Variants in PTPRG observed in about 807,000 individuals in gnomAD.
PTPRG encodes the protein receptor-type tyrosine-protein phosphatase gamma.
In PTPRG, 102 loss-of-function variants were observed where a neutral mutation model predicts 165.3. The observed-to-expected ratio is 0.62, with a 90% CI of 0.53 to 0.73. The LOEUF is 0.73. Among genes scored for constraint, PTPRG ranks in the 30% least tolerant of loss-of-function variants. The pLI, the probability that PTPRG is intolerant of heterozygous loss-of-function variation, is 0.00. For missense variants in PTPRG, 1,866 were observed against 1,861.4 expected, an observed-to-expected ratio of 1.00 and a Z score of -0.05; for synonymous variants, 675 against 669.5, an observed-to-expected ratio of 1.01 and a Z score of -0.13.
At chr3:61,829,320 C>T (rs930857861) in intron 2 of PTPRG, among the ~76,000 whole-genome samples, 11 of 152,190 alleles carry the variant, frequency 7.2e-5, no homozygotes, top group Non-Finnish European at 1.0e-4. Flanking sequence ...CAATAATGAC[C>T]GTTATTTATC....
In PTPRG at chr3:62,273,196, G is replaced by C; in HGVS notation, c.3318+115G>C. 4.3e-6 allele frequency: 5 copies of C among 1,168,996 alleles called. No individual in the cohort carries two copies. Among genetic ancestry groups the C allele is most frequent in the Non-Finnish European group, 2.3e-6 (2 of 854,982 alleles). The allele number at this position is 1,168,996 out of a possible 1,614,324, so 72.4% of individuals were successfully genotyped here. ...TTTTAGGGCTTGCAGTAATTTACAGGTTTGTATTAGAAGATATTCTGACAA... is the reference window on the plus strand; with the variant it reads ...TTTTAGGGCTTGCAGTAATTTACAGCTTTGTATTAGAAGATATTCTGACAA... On this transcript the variant is annotated intron_variant, in intron 22 of 29. Coordinates refer to ENST00000474889, the MANE Select transcript of PTPRG (RefSeq NM_002841.4). The surrounding 1 kb of genome is among the most constrained non-coding windows in gnomAD (Gnocchi z 4.1).
chr3:62,023,775 A>T (rs767136982), intron 4 of PTPRG, among the ~76,000 whole-genome samples: 2 of 152,162 alleles, frequency 1.3e-5, no homozygotes, highest in Non-Finnish European at 2.9e-5. Context: ...TTTTGAGGTG[A>T]GCATTAAAGA....
At chr3:61,640,902 T>C (rs947676102) in intron 1 of PTPRG, among the ~76,000 whole-genome samples, 2 of 152,158 alleles carry the variant, frequency 1.3e-5, no homozygotes, top group Non-Finnish European at 2.9e-5. Context: ...AGTGGGAAGG[T>C]GTTTGCCCAT....
intron 2 of PTPRG, among the ~76,000 whole-genome samples, chr3:61,803,144 G>A (rs759320519): frequency 1.2e-4 from 19 of 152,140 alleles, no homozygotes; most frequent in Non-Finnish European, 1.6e-4. Context: ...AAAATTTGCT[G>A]TGAGTAGAAA....
chr3:61,951,713 A>C (rs1326351129), intron 2 of PTPRG, among the ~76,000 whole-genome samples: 1 of 152,154 alleles, frequency 6.6e-6, no homozygotes, highest in Non-Finnish European at 1.5e-5. Context: ...ATTGACTTCT[A>C]CTGTTTTACA....
At chr3:62,239,851 G>A (rs1056791156) in intron 14 of PTPRG, among the ~76,000 whole-genome samples, 13 of 151,862 alleles carry the variant, frequency 8.6e-5, no homozygotes, top group Non-Finnish European at 4.4e-5. Flanking sequence ...ATAATTTCTC[G>A]TGGAAATTCC....
intron 1 of PTPRG, among the ~76,000 whole-genome samples, chr3:61,583,270 C>A (rs991596744): frequency 7.2e-5 from 11 of 152,172 alleles, no homozygotes; most frequent in South Asian, 2.1e-4. Context: ...CCCCTGAACG[C>A]AAGGCTGAGG....
At chr3:62,041,391 A>G (rs1445005408) in intron 4 of PTPRG, among the ~76,000 whole-genome samples, 1 of 152,180 alleles carries the variant, frequency 6.6e-6, no homozygotes, top group East Asian at 1.9e-4. Flanking sequence ...GATTGTTGTC[A>G]AAAGGTTGAG....
chr3:61,747,197 T>C (rs550836876), intron 1 of PTPRG, among the ~76,000 whole-genome samples: 1 of 152,196 alleles, frequency 6.6e-6, no homozygotes, highest in African/African-American at 2.4e-5. Context: ...ACTTGCGTTA[T>C]CTTTGTAACA....
chr3:62,060,013 T>C (rs1313750606), intron 4 of PTPRG, among the ~76,000 whole-genome samples: 1 of 151,992 alleles, frequency 6.6e-6, no homozygotes, highest in Non-Finnish European at 1.5e-5. Context: ...GATATGTCTT[T>C]ATTAGCAGCA....
At chr3:62,184,500 G>A (rs1408412783) in intron 8 of PTPRG, among the ~76,000 whole-genome samples, 2 of 152,128 alleles carry the variant, frequency 1.3e-5, no homozygotes, top group Non-Finnish European at 2.9e-5. Context: ...TTCCCTTAAA[G>A]GATTCCATAT....
At chr3:62,098,670 T>A (rs1702192909) in intron 5 of PTPRG, among the ~76,000 whole-genome samples, 1 of 152,240 alleles carries the variant, frequency 6.6e-6, no homozygotes, top group Admixed American at 6.5e-5. Flanking sequence ...GTATTCTTTA[T>A]TACCTTCCAG....
chr3:61,903,159 C>A (rs1280277266), intron 2 of PTPRG, among the ~76,000 whole-genome samples: 1 of 152,294 alleles, frequency 6.6e-6, no homozygotes, highest in African/African-American at 2.4e-5. Context: ...CCGTGCTGTT[C>A]TCTCCATCTG....
chr3:61,979,756 G>C (rs1182200011), intron 2 of PTPRG, among the ~76,000 whole-genome samples: 1 of 152,136 alleles, frequency 6.6e-6, no homozygotes, highest in East Asian at 1.9e-4. Flanking sequence ...CATTTCCCCA[G>C]ATAGCATTTA....
chr3:62,197,122 A>G (rs1215005758), intron 10 of PTPRG, among the ~76,000 whole-genome samples: 1 of 152,192 alleles, frequency 6.6e-6, no homozygotes, highest in Non-Finnish European at 1.5e-5. Flanking sequence ...TGGAAGCTGC[A>G]CAACTTTGAG....
chr3:61,580,529 G>A (rs1029655823), intron 1 of PTPRG, among the ~76,000 whole-genome samples: 3 of 151,960 alleles, frequency 2.0e-5, no homozygotes, highest in African/African-American at 7.3e-5. Context: ...TAGAGACGGC[G>A]TTTCACCATG....
At position 62,202,443 on chromosome 3, in the gene PTPRG, G is replaced by C. The variant is rs79273123; in HGVS notation, c.1378-730G>C. On this transcript the variant is annotated intron_variant, in intron 11 of 29. Coordinates refer to ENST00000474889, the MANE Select transcript of PTPRG (RefSeq NM_002841.4). ...AGTAGCATGGAAAGCCCTGGCACAC[G>C]GTTGGCATTTGTTAATTGGAATTCT... is the stretch of plus-strand genomic sequence containing the variant. Among the ~76,000 whole-genome samples, 616 of 152,266 alleles carry C rather than the reference G, an allele frequency of 4.0e-3. 3 individuals carry two copies. Among genetic ancestry groups the C allele is most frequent in the African/African-American group, 0.013 (528 of 41,546 alleles).
At chr3:61,604,111 G>A (rs1211703602) in intron 1 of PTPRG, among the ~76,000 whole-genome samples, 4 of 152,208 alleles carry the variant, frequency 2.6e-5, no homozygotes, top group African/African-American at 9.6e-5. Flanking sequence ...ATCGCTTGAG[G>A]CTAGGAGTAC....
At chr3:61,598,865 T>C (rs893977453) in intron 1 of PTPRG, among the ~76,000 whole-genome samples, 2 of 152,102 alleles carry the variant, frequency 1.3e-5, no homozygotes, top group African/African-American at 4.8e-5. Context: ...ACCGACGTAA[T>C]TCCTTCATGT....
Sources: allele counts gnomAD v4.1 joint callset (sites outside exome capture counted in the v4.1 genomes callset), GRCh38; gene constraint gnomAD v4.1.1; non-coding constraint Gnocchi (gnomAD v3.1); transcripts MANE v1.5; gene names NCBI Gene and HGNC (gene_info 2026-07-23, HGNC 2026-07-21).